DLG2: variants seen among roughly 807,000 people sequenced by gnomAD.
DLG2 encodes the protein disks large homolog 2.
A neutral mutation model predicts 132.5 loss-of-function variants in DLG2; 45 were observed. The observed-to-expected ratio is 0.34, with a 90% CI of 0.27 to 0.44. DLG2 has a LOEUF of 0.44. DLG2 is among the 20% of genes least tolerant of loss of function. The pLI, the probability that DLG2 is intolerant of heterozygous loss-of-function variation, is 1.00. For synonymous variants in DLG2, 424 were observed against 419.6 expected, an observed-to-expected ratio of 1.01 and a Z score of -0.13; for missense variants, 1,045 against 1,196.9, an observed-to-expected ratio of 0.87 and a Z score of 1.87.
chr11:84,433,528 C>G (rs1211524471), intron 7 of DLG2, among the ~76,000 whole-genome samples: 1 of 152,208 alleles, frequency 6.6e-6, no homozygotes, highest in Non-Finnish European at 1.5e-5. Flanking sequence ...CCCAGCCAGG[C>G]AATCTGGATT....
chr11:85,321,945 G>GA (rs2081098928), intron 3 of DLG2, among the ~76,000 whole-genome samples: 1 of 151,922 alleles, frequency 6.6e-6, no homozygotes, highest in East Asian at 1.9e-4. Context: ...AGTTCCGAGA[G>GA]AAAAAAGGGA....
At chr11:84,244,185 T>C (rs1470599404) in intron 8 of DLG2, among the ~76,000 whole-genome samples, 1 of 152,098 alleles carries the variant, frequency 6.6e-6, no homozygotes. Flanking sequence ...AACTTCATTT[T>C]CTTTTTTTTT....
rs377307124 is a variant in DLG2, at chr11:84,937,170, C to T, written c.357+174491G>A. On this transcript the variant is annotated intron_variant, in intron 6 of 27. Coordinates refer to ENST00000376104, the MANE Select transcript of DLG2 (RefSeq NM_001142699.3). ...CCCTCTTTAAATAAAACAATCCAATCAATACCTATCTAGATAACTGTTAGA... is the reference window on the plus strand; with the variant it reads ...CCCTCTTTAAATAAAACAATCCAATTAATACCTATCTAGATAACTGTTAGA... Among the ~76,000 whole-genome samples the T allele has an allele frequency of 2.0e-5, 3 of 152,116 alleles. No individual in the cohort carries two copies. In the East Asian group the frequency reaches 5.8e-4, roughly 29 times the overall value.
At chr11:84,433,594 CT>C (rs925926839) in intron 7 of DLG2, among the ~76,000 whole-genome samples, 17 of 152,244 alleles carry the variant, frequency 1.1e-4, no homozygotes, top group African/African-American at 4.1e-4. Flanking sequence ...TACAAATGAA[CT>C]TTTAAATGAA....
intron 3 of DLG2, among the ~76,000 whole-genome samples, chr11:85,503,686 C>A (rs978218767): frequency 2.0e-5 from 3 of 152,054 alleles, no homozygotes; most frequent in East Asian, 3.9e-4. Context: ...AATCCCAACA[C>A]CTTGGGAGCC....
intron 3 of DLG2, among the ~76,000 whole-genome samples, chr11:85,496,212 C>G (rs536323632): frequency 1.2e-4 from 18 of 152,286 alleles, no homozygotes; most frequent in African/African-American, 4.3e-4. Context: ...CTGCACTTTT[C>G]CCACAGTCTT....
At chr11:84,890,115 T>A (rs563018122) in intron 6 of DLG2, among the ~76,000 whole-genome samples, 1 of 152,202 alleles carries the variant, frequency 6.6e-6, no homozygotes, top group African/African-American at 2.4e-5. Context: ...CCTTTTTATT[T>A]TCTAGATGGC....
At chr11:85,180,838 G>C (rs745940480) in intron 4 of DLG2, among the ~76,000 whole-genome samples, 1 of 151,688 alleles carries the variant, frequency 6.6e-6, no homozygotes, top group South Asian at 2.1e-4. Flanking sequence ...CTGGAACTCA[G>C]TTTTTCTGTC....
chr11:83,614,664 G>A (rs143821152), intron 19 of DLG2, among the ~76,000 whole-genome samples: 2 of 152,214 alleles, frequency 1.3e-5, no homozygotes, highest in Non-Finnish European at 2.9e-5. Context: ...AGGCTGCAGT[G>A]AGCCGTGATC....
At chr11:84,115,229 T>TC (rs1326162428) in intron 9 of DLG2, among the ~76,000 whole-genome samples, 2 of 152,166 alleles carry the variant, frequency 1.3e-5, no homozygotes, top group Admixed American at 1.3e-4. Flanking sequence ...AGCCCACCAT[T>TC]CTCACTGGGC....
intron 6 of DLG2, among the ~76,000 whole-genome samples, chr11:84,999,435 A>G (rs2058004296): frequency 6.6e-6 from 1 of 152,184 alleles, no homozygotes; most frequent in Non-Finnish European, 1.5e-5. Flanking sequence ...TAAATTTTAG[A>G]TATCCTTCAC....
chr11:83,501,811 T>C (rs746388420), intron 21 of DLG2, among the ~76,000 whole-genome samples: 6 of 152,186 alleles, frequency 3.9e-5, no homozygotes, highest in Non-Finnish European at 5.9e-5. Flanking sequence ...GAGCACCCAC[T>C]AAGTACATAT....
At chr11:84,574,600 T>G (rs1266414308) in intron 6 of DLG2, among the ~76,000 whole-genome samples, 2 of 152,194 alleles carry the variant, frequency 1.3e-5, no homozygotes, top group Non-Finnish European at 2.9e-5. Context: ...CTTAGACACA[T>G]GTTAACACTC....
intron 6 of DLG2, among the ~76,000 whole-genome samples, chr11:84,663,939 C>G (rs1432619451): frequency 6.6e-6 from 1 of 152,164 alleles, no homozygotes; most frequent in Non-Finnish European, 1.5e-5. Flanking sequence ...CCCAGGCAGG[C>G]AAGCCATGAC....
At chr11:84,818,714 C>T in intron 6 of DLG2, among the ~76,000 whole-genome samples, 1 of 151,860 alleles carries the variant, frequency 6.6e-6, no homozygotes, top group Admixed American at 6.6e-5. Flanking sequence ...TCTAGAGAAA[C>T]TTCACTGTGT....
At chr11:83,616,229 C>T (rs2060785739) in intron 19 of DLG2, among the ~76,000 whole-genome samples, 1 of 152,140 alleles carries the variant, frequency 6.6e-6, no homozygotes, top group South Asian at 2.1e-4. Flanking sequence ...TTTTGTTGAA[C>T]ACATGTACTC....
intron 9 of DLG2, among the ~76,000 whole-genome samples, chr11:84,110,058 C>G (rs528022558): frequency 6.6e-6 from 1 of 152,154 alleles, no homozygotes; most frequent in Non-Finnish European, 1.5e-5. Flanking sequence ...ACACCTGACT[C>G]ACTTCTCTCC....
chr11:84,580,875 A>G (rs1397328769), intron 6 of DLG2, among the ~76,000 whole-genome samples: 1 of 152,174 alleles, frequency 6.6e-6, no homozygotes, highest in African/African-American at 2.4e-5. Flanking sequence ...TACACACGAT[A>G]AAGTATAAAA....
chr11:83,868,966 C>T (rs553643183), intron 16 of DLG2, among the ~76,000 whole-genome samples: 1 of 152,290 alleles, frequency 6.6e-6, no homozygotes, highest in Admixed American at 6.5e-5. Context: ...GTCCAACGGT[C>T]CCTTAAAAGT....
Sources: gnomAD v4.1 joint callset for allele counts (sites outside exome capture counted in the v4.1 genomes callset) on GRCh38, gnomAD v4.1.1 for gene constraint, MANE v1.5 for transcripts, NCBI Gene and HGNC (gene_info 2026-07-23, HGNC 2026-07-21) for gene names.